The following TECTA variants were observed in gnomAD, a reference collection of about 807,000 sequenced individuals.
The protein encoded by TECTA is alpha-tectorin.
Under a neutral mutation model 216.8 loss-of-function variants are expected in TECTA, and 128 were observed. The ratio of observed to expected loss-of-function variants is 0.59; its 90% CI spans 0.51 to 0.68. The LOEUF (loss-of-function observed/expected upper bound fraction) is 0.68. Ranked by LOEUF, TECTA falls within the 30% of genes least tolerant of loss-of-function variation. The probability of loss-of-function intolerance (pLI) is 0.00; values close to 1 mark genes in which losing one functional copy is unlikely to be tolerated. For missense variants in TECTA, 2,551 were observed against 2,786.2 expected (o/e 0.92, Z 1.90); for synonymous variants, 1,089 against 1,117.1 (o/e 0.97, Z 0.50).
At chr11:121,115,777 CAG>C (rs1313856874) in intron 6 of TECTA, among the ~76,000 whole-genome samples, 6 of 152,160 alleles carry the variant, frequency 3.9e-5, no homozygotes, top group Non-Finnish European at 8.8e-5. Context: ...CCTCTCACCT[CAG>C]TCTCCTGAGT....
chr11:121,108,748 AC>A (rs1484478199), intron 3 of TECTA, among the ~76,000 whole-genome samples: 1 of 136,508 alleles, frequency 7.3e-6, no homozygotes, highest in African/African-American at 2.8e-5. Flanking sequence ...TACACACCTC[AC>A]CCCAGTACAC....
chr11:121,131,212 T>TTAA (rs1946671661), intron 10 of TECTA, among the ~76,000 whole-genome samples: 1 of 13,560 alleles, frequency 7.4e-5, no homozygotes, highest in Non-Finnish European at 1.2e-4. Context: ...AGACTCCATC[T>TTAA]CAAAAAAAAA....
At position 121,145,572 on chromosome 11, in the gene TECTA, C is replaced by T. The variant is rs1271330328; in HGVS notation, c.3561C>T (p.Leu1187=). ...KHTVLVNSER[L]YLPLKLGQGK... ...TCTTACAGGTCAACAGTGAACGGCT[C>T]TATCTGCCCCTGAAGCTGGGGCAAG... The change falls in exon 12 of 24, where the codon CTC becomes CTT. Residue 1187 remains leucine (L), a synonymous_variant. Transcript: ENST00000392793. 6.2e-7 allele frequency: 1 copy of T among 1,614,236 alleles called. No homozygotes were observed. The highest frequency in any genetic ancestry group is 2.2e-5 in the East Asian group (1 of 44,886).
chr11:121,160,364 C>A lies in TECTA; in HGVS notation c.4919C>A (p.Pro1640Gln). 1 of 1,613,698 alleles carries A rather than the reference C, an allele frequency of 6.2e-7. No individual in the cohort carries two copies. Among genetic ancestry groups the A allele is most frequent in the Admixed American group, 1.7e-5 (1 of 60,010 alleles). Reference sequence around the variant, plus strand: ...GATTATGTGACCTTGCGAGGGAAGCCGGTGGTAAGCAGCGTGGTGCTGGCC... The same window carrying A: ...GATTATGTGACCTTGCGAGGGAAGCAGGTGGTAAGCAGCGTGGTGCTGGCC... ...TDDYVTLRGK[P>Q]VVSSVVLAQS... The change falls in exon 15 of 24, where the codon CCG becomes CAG. Residue 1640 changes from proline to glutamine, a missense_variant. Pro to Gln is a moderately conservative substitution (Grantham distance 76). Transcript: ENST00000392793.
chr11:121,182,730 G>T (rs545008418), intron 20 of TECTA, among the ~76,000 whole-genome samples: 63 of 152,320 alleles, frequency 4.1e-4, no homozygotes, highest in Admixed American at 1.5e-3. Context: ...ACACTTGGTT[G>T]CCAGTGGTGG....
chr11:121,167,984 A>G, intron 18 of TECTA, 70 bp from the exon 19 acceptor site: 1 of 1,570,226 alleles, frequency 6.4e-7, no homozygotes, highest in Admixed American at 1.7e-5. Context: ...TTTCAGGGAT[A>G]TGGATTTGAT....
At chr11:121,170,631 A>C (rs1048248602) in intron 20 of TECTA, among the ~76,000 whole-genome samples, 2 of 152,164 alleles carry the variant, frequency 1.3e-5, no homozygotes, top group African/African-American at 2.4e-5. Context: ...TACTGGCATG[A>C]CATGATATCT....
At chr11:121,181,133 C>T (rs1051358608) in intron 20 of TECTA, among the ~76,000 whole-genome samples, 1 of 152,120 alleles carries the variant, frequency 6.6e-6, no homozygotes, top group Admixed American at 6.5e-5. Flanking sequence ...CCACCGCACT[C>T]CAGCCTGGTG....
chr11:121,161,013 G>A lies in TECTA; in HGVS notation c.4976+592G>A, dbSNP rs149763044. Among the ~76,000 whole-genome samples the A allele has an allele frequency of 1.1e-3, 167 of 152,320 alleles. 1 individual carries two copies. The highest frequency in any genetic ancestry group is 3.9e-3 in the African/African-American group (163 of 41,574). On this transcript the variant is annotated intron_variant, in intron 15 of 23. Transcript: ENST00000392793. ...GGCCCCTCAGGGCTGCTGAATATGT[G>A]GATACCTTTCTGGATCTGTAGACAT...
intron 6 of TECTA, among the ~76,000 whole-genome samples, chr11:121,117,549 C>T (rs1394204938): frequency 6.6e-6 from 1 of 152,184 alleles, no homozygotes; most frequent in East Asian, 1.9e-4. Context: ...ATTATCACAT[C>T]CCTTTAAACC....
In TECTA at chr11:121,127,721, G is replaced by A. The variant is rs370569384; in HGVS notation, c.1775-31G>A. ...TTAGCACTCCGGGTCCATTCACCTT[G>A]TTATCGGCTCTCTTCCTTTCCCCGC... On this transcript the variant is annotated intron_variant, in intron 8 of 23. Transcript: ENST00000392793. The surrounding 1 kb of genome is among the most constrained non-coding windows in gnomAD (Gnocchi z 5.0). 1.2e-5 allele frequency: 19 copies of A among 1,612,830 alleles called. No individual in the cohort carries two copies. The highest frequency in any genetic ancestry group is 8.3e-5 in the Admixed American group (5 of 60,010).
rs1947043461 is a variant in TECTA at position 121,165,443 on chromosome 11, G to A, written c.5383+60G>A. On this transcript the variant is annotated intron_variant, in intron 17 of 23. Coordinates refer to ENST00000392793, the MANE Select transcript of TECTA (RefSeq NM_005422.4). ...GCCCCATGGGAGATGCTGCTCTGGGGAACGACCTTGATGCATCCCACTTTG... is the reference window on the plus strand; with the variant it reads ...GCCCCATGGGAGATGCTGCTCTGGGAAACGACCTTGATGCATCCCACTTTG... The A allele has an allele frequency of 2.8e-5, 40 of 1,406,418 alleles. No individual in the cohort carries two copies. In the South Asian group the frequency reaches 4.1e-4, roughly 15 times the overall value. 87.1% of individuals were successfully genotyped at this position (1,406,418 alleles called of 1,614,324 possible). A position where few individuals can be genotyped will look rare whatever the true frequency, so the allele number is the denominator to read the frequency against.
rs1351817364 is a variant in TECTA, at chr11:121,176,676, T to G, written c.5999+7751T>G. On this transcript the variant is annotated intron_variant, in intron 20 of 23. Coordinates refer to ENST00000392793, the MANE Select transcript of TECTA (RefSeq NM_005422.4). ...TCTTGGAGTTGCTCTTCTTGAGGAG[T>G]ATCTTTGTGGCGTTCTCTGTATTTC... Among the ~76,000 whole-genome samples the G allele has an allele frequency of 2.6e-4, 39 of 150,122 alleles. 1 individual carries two copies. In the South Asian group the frequency reaches 3.9e-3, roughly 15 times the overall value.
intron 2 of TECTA, among the ~76,000 whole-genome samples, chr11:121,104,442 G>A (rs1213078907): frequency 1.3e-5 from 2 of 152,060 alleles, no homozygotes; most frequent in African/African-American, 4.8e-5. Context: ...GGGTTTGGAC[G>A]ATGCATATAC....
intron 3 of TECTA, among the ~76,000 whole-genome samples, chr11:121,107,525 C>T (rs1414792856): frequency 1.3e-5 from 2 of 152,202 alleles, no homozygotes; most frequent in African/African-American, 4.8e-5. Context: ...CCTCTGGGAT[C>T]TGGGCCACTG....
intron 2 of TECTA, 103 bp downstream of exon 2, chr11:121,102,832 G>A: frequency 2.1e-6 from 2 of 943,494 alleles, no homozygotes; most frequent in Non-Finnish European, 3.4e-6. Flanking sequence ...GTGCATGTGT[G>A]TCTACAGATA....
rs541985913 is a variant in TECTA at position 121,138,459 on chromosome 11, A to T, written c.3543+437A>T. 1.0e-3 allele frequency among the ~76,000 whole-genome samples: 155 copies of T among 152,074 alleles called. 1 individual carries two copies. Among genetic ancestry groups the T allele is most frequent in the African/African-American group, 3.6e-3 (151 of 41,474 alleles). On this transcript the variant is annotated intron_variant, in intron 11 of 23. Coordinates refer to ENST00000392793, the MANE Select transcript of TECTA (RefSeq NM_005422.4). ...CTGATGCTATTGTCCTTGTCCACCC[A>T]CTTCCCTTTTTTGAGATCAGGGTGA... is the stretch of plus-strand genomic sequence containing the variant.
chr11:121,152,668 C>T (rs867504509), intron 12 of TECTA, among the ~76,000 whole-genome samples: 1 of 152,060 alleles, frequency 6.6e-6, no homozygotes, highest in Admixed American at 6.6e-5. Context: ...CAGCCACCTC[C>T]GTCTGCATGT....
At position 121,191,191 on chromosome 11, in the gene TECTA, G is replaced by C. The variant is rs1947336975; in HGVS notation, c.*385G>C. On this transcript the variant is annotated 3_prime_UTR_variant, in exon 24 of 24. Transcript: ENST00000392793. ...GGATCACAGTTTTTTACAGAGAGAG[G>C]GCCTGTTGGAACGATTTTGAAGTGA... The C allele has an allele frequency of 3.2e-6, 1 of 309,258 alleles. No individual in the cohort carries two copies. Among genetic ancestry groups the C allele is most frequent in the Non-Finnish European group, 6.2e-6 (1 of 161,142 alleles). 19.2% of individuals were successfully genotyped at this position (309,258 alleles called of 1,614,324 possible).
Sources: allele counts gnomAD v4.1 joint callset (sites outside exome capture counted in the v4.1 genomes callset), GRCh38; gene constraint gnomAD v4.1.1; non-coding constraint Gnocchi (gnomAD v3.1); transcripts MANE v1.5; gene names NCBI Gene and HGNC (gene_info 2026-07-23, HGNC 2026-07-21).